Variants in GTF3C5 observed in about 807,000 individuals in gnomAD.
GTF3C5 encodes general transcription factor 3C polypeptide 5.
In GTF3C5, 47 loss-of-function variants were observed where a neutral mutation model predicts 61.0. The ratio of observed to expected loss-of-function variants is 0.77; its 90% confidence interval spans 0.61 to 0.98. The LOEUF (loss-of-function observed/expected upper bound fraction) is 0.98, where lower values mean the gene tolerates loss of function less well. Ranked by LOEUF, GTF3C5 falls within the 50% of genes least tolerant of loss-of-function variation. The pLI, the probability that GTF3C5 is intolerant of heterozygous loss-of-function variation, is 0.00. For missense variants in GTF3C5, 659 were observed against 703.3 expected (o/e 0.94, Z 0.71); for synonymous variants, 295 against 275.4 (o/e 1.07, Z -0.71).
intron 3 of GTF3C5, 79 bp downstream of exon 3, chr9:133,044,005 C>T (rs1432592665): frequency 1.8e-5 from 18 of 1,004,798 alleles, no homozygotes; most frequent in Non-Finnish European, 2.6e-5. Context: ...ACACACTGGG[C>T]GTGGTGGTGC....
Position 133,056,888 on chromosome 9 carries a change from C to T in GTF3C5, c.1373C>T (p.Thr458Ile). 1 of 1,604,766 alleles carries T rather than the reference C, an allele frequency of 6.2e-7. No homozygotes were observed. Among genetic ancestry groups the T allele is most frequent in the South Asian group, 1.1e-5 (1 of 89,684 alleles). Residue 458 changes from threonine to isoleucine, a missense_variant, in exon 10 of 11, where the codon ACC (threonine) becomes ATC (isoleucine). By Grantham distance (89) the Thr-to-Ile change is moderately conservative. Coordinates refer to ENST00000372097, the MANE Select transcript of GTF3C5 (RefSeq NM_012087.4). ...ACCATGTCCCTCATGATCCGGCAGA[C>T]CATCCGCTCCAAGAGGCCTGGTAAG... is the stretch of plus-strand genomic sequence containing the variant. ...RDTMSLMIRQ[T>I]IRSKRPALFS...
rs774574383 is a variant in GTF3C5 at position 133,054,517 on chromosome 9, C to A, written c.1069+29C>A. On this transcript the variant is annotated intron_variant, in intron 7 of 10. Coordinates refer to ENST00000372097, the MANE Select transcript of GTF3C5 (RefSeq NM_012087.4). ...AGCGTGCCAGGCGCCTTTTGTGGGT[C>A]ATGAGTGATTTGCCAAGGAAGGCGG... The A allele has an allele frequency of 1.9e-6, 3 of 1,602,464 alleles. No homozygotes were observed. In the South Asian group the frequency reaches 3.3e-5, roughly 18 times the overall value.
At chr9:133,040,098 G>A (rs919385400) in intron 1 of GTF3C5, among the ~76,000 whole-genome samples, 6 of 152,196 alleles carry the variant, frequency 3.9e-5, no homozygotes, top group Non-Finnish European at 5.9e-5. Flanking sequence ...GATTATTACA[G>A]TGTGAGCACT....
intron 1 of GTF3C5, among the ~76,000 whole-genome samples, chr9:133,037,464 T>C (rs1849900401): frequency 6.6e-6 from 1 of 152,176 alleles, no homozygotes; most frequent in Non-Finnish European, 1.5e-5. Context: ...TCTAAGGGGA[T>C]GGGATATTGC....
intron 1 of GTF3C5, 106 bp downstream of exon 1, chr9:133,031,270 C>A: frequency 1.1e-6 from 1 of 913,322 alleles, no homozygotes; most frequent in Non-Finnish European, 1.7e-6. Context: ...TTTACTTACG[C>A]AGAAGGGTGC....
intron 1 of GTF3C5, among the ~76,000 whole-genome samples, chr9:133,037,578 A>G (rs1238348686): frequency 6.6e-6 from 1 of 151,974 alleles, no homozygotes; most frequent in African/African-American, 2.4e-5. Flanking sequence ...AGAGATCGGG[A>G]TGAATGTATT....
At position 133,054,488 on chromosome 9, in the gene GTF3C5, T is replaced by G. The variant is rs778996036; in HGVS notation, c.1069T>G (p.Ser357Ala). 6.2e-7 allele frequency: 1 copy of G among 1,613,816 alleles called. No homozygotes were observed. The highest frequency in any genetic ancestry group is 1.7e-5 in the Admixed American group (1 of 60,024). Residue 357 changes from serine to alanine, a missense_variant and splice_region_variant, in exon 7 of 11, where the codon TCC (serine) becomes GCC (alanine). Transcript: ENST00000372097. ...YSLPITVKKTSSQLVTMHDLK... is the reference protein window; with the variant it reads ...YSLPITVKKTASQLVTMHDLK... ...CCTCCCCATCACCGTCAAGAAGACA[T>G]GTAAGCGTGCCAGGCGCCTTTTGTG...
intron 1 of GTF3C5, among the ~76,000 whole-genome samples, chr9:133,040,768 C>T (rs530863720): frequency 6.6e-6 from 1 of 152,280 alleles, no homozygotes; most frequent in South Asian, 2.1e-4. Flanking sequence ...GCCTGAGTTA[C>T]CTCCAAGATT....
In GTF3C5 at chr9:133,054,473, A is replaced by G; in HGVS notation, c.1054A>G (p.Thr352Ala). ...RSTYNYSLPI[T>A]VKKTSSQLVT... Reference sequence around the variant, plus strand: ...CACCTACAACTACAGCCTCCCCATCACCGTCAAGAAGACATGTAAGCGTGC... The same window carrying G: ...CACCTACAACTACAGCCTCCCCATCGCCGTCAAGAAGACATGTAAGCGTGC... The change falls in exon 7 of 11, where the codon ACC becomes GCC. Residue 352 changes from threonine to alanine, a missense_variant. Physicochemically the swap from Thr to Ala is moderately conservative, Grantham distance 58. Coordinates refer to ENST00000372097, the MANE Select transcript of GTF3C5 (RefSeq NM_012087.4). 1 of 1,614,064 alleles carries G rather than the reference A, an allele frequency of 6.2e-7. No homozygotes were observed. The highest frequency in any genetic ancestry group is 1.1e-5 in the South Asian group (1 of 91,082).
chr9:133,041,286 C>T (rs2118990459), intron 1 of GTF3C5, among the ~76,000 whole-genome samples: 1 of 152,350 alleles, frequency 6.6e-6, no homozygotes, highest in East Asian at 1.9e-4. Context: ...GTCAGACCTG[C>T]CCGCAGTTAT....
chr9:133,030,753 G>T, upstream of GTF3C5: 3 of 593,358 alleles, frequency 5.1e-6, no homozygotes, highest in Non-Finnish European at 9.2e-6. Context: ...GGAGAGACTG[G>T]TGCTTGCCCC....
chr9:133,058,254 G>A lies in GTF3C5; in HGVS notation c.*274G>A. The A allele has an allele frequency of 1.1e-6, 1 of 919,502 alleles. No individual in the cohort carries two copies. The allele number at this position is 919,502 out of a possible 1,614,324, so 57.0% of individuals were successfully genotyped here. ...CCAGCCCAGCATCCAGCCAGTGAGT[G>A]GGCACCCAATGCCTCTCAGGATGAG... On this transcript the variant is annotated 3_prime_UTR_variant, in exon 11 of 11. Coordinates refer to ENST00000372097, the MANE Select transcript of GTF3C5 (RefSeq NM_012087.4).
rs80020215 is a variant in GTF3C5, at chr9:133,038,623, GT to G, written c.154-3451del. Among the ~76,000 whole-genome samples, 321 of 139,726 alleles carry G rather than the reference GT, an allele frequency of 2.3e-3. 2 individuals carry two copies. Among genetic ancestry groups the G allele is most frequent in the African/African-American group, 6.1e-3 (232 of 38,344 alleles). 91.7% of individuals were successfully genotyped at this position (139,726 alleles called of 152,430 possible). On this transcript the variant is annotated intron_variant, in intron 1 of 10. Coordinates refer to ENST00000372097, the MANE Select transcript of GTF3C5 (RefSeq NM_012087.4). The stretch of plus-strand genomic sequence containing the variant: ...CCACCACCACGCCCGGCTAATTTTT[GT>G]TTTTTTTTTTTTAGTAGAGTTGGGG...
intron 3 of GTF3C5, among the ~76,000 whole-genome samples, chr9:133,045,101 A>G (rs1342766789): frequency 6.6e-6 from 1 of 152,266 alleles, no homozygotes; most frequent in Non-Finnish European, 1.5e-5. Context: ...TTTCCTTTAT[A>G]TAAAATCCAA....
intron 1 of GTF3C5, among the ~76,000 whole-genome samples, chr9:133,040,235 A>G (rs568345164): frequency 3.9e-5 from 6 of 152,222 alleles, no homozygotes; most frequent in African/African-American, 1.2e-4. Context: ...TATGAGGAGG[A>G]GATTCCTGAG....
chr9:133,040,987 C>G (rs1850022553), intron 1 of GTF3C5, among the ~76,000 whole-genome samples: 1 of 152,086 alleles, frequency 6.6e-6, no homozygotes, highest in African/African-American at 2.4e-5. Flanking sequence ...TAAGAAAAAC[C>G]AGGTCATACA....
intron 2 of GTF3C5, among the ~76,000 whole-genome samples, chr9:133,043,507 G>T (rs1850097965): frequency 6.6e-6 from 1 of 152,134 alleles, no homozygotes; most frequent in Non-Finnish European, 1.5e-5. Flanking sequence ...CTATCATGTA[G>T]CTCCCCACCT....
chr9:133,049,354 G>A (rs1850304186), intron 3 of GTF3C5, among the ~76,000 whole-genome samples: 2 of 152,226 alleles, frequency 1.3e-5, no homozygotes, highest in Admixed American at 6.5e-5. Flanking sequence ...GGTTTCTAAC[G>A]CAGGCACTTT....
Position 133,055,464 on chromosome 9 carries a change from C to T in GTF3C5, c.1168-548C>T, listed in dbSNP as rs923588328. On this transcript the variant is annotated intron_variant, in intron 8 of 10. Transcript: ENST00000372097. ...AGGTTTTTTAGACCTTTGCTGCCTTCCCAGTGAGGGGCGATCATGCCACAG... is the reference window on the plus strand; with the variant it reads ...AGGTTTTTTAGACCTTTGCTGCCTTTCCAGTGAGGGGCGATCATGCCACAG... 4.9e-6 allele frequency: 6 copies of T among 1,218,532 alleles called. No homozygotes were observed. In the African/African-American group the frequency reaches 7.8e-5, roughly 16 times the overall value. 75.5% of individuals were successfully genotyped at this position (1,218,532 alleles called of 1,614,324 possible).
Sources: gnomAD v4.1 joint callset for allele counts (sites outside exome capture counted in the v4.1 genomes callset) on GRCh38, gnomAD v4.1.1 for gene constraint, MANE v1.5 for transcripts, NCBI Gene and HGNC (gene_info 2026-07-23, HGNC 2026-07-21) for gene names.